ATP8B1: variants seen among roughly 807,000 people sequenced by gnomAD.
ATP8B1 encodes phospholipid-transporting ATPase IC.
A neutral mutation model predicts 149.9 loss-of-function variants in ATP8B1; 80 were observed. That is an observed-to-expected ratio of 0.53 (90% CI 0.45 to 0.64). The LOEUF (loss-of-function observed/expected upper bound fraction) is 0.64, where lower values mean the gene tolerates loss of function less well. ATP8B1 is among the 30% of genes least tolerant of loss of function. ATP8B1 has a pLI of 0.00. For synonymous variants in ATP8B1, 536 were observed against 562.8 expected, an observed-to-expected ratio of 0.95 and a Z score of 0.67; for missense variants, 1,247 against 1,552.6, an observed-to-expected ratio of 0.80 and a Z score of 3.31.
chr18:57,764,341 T>TCCCTCTTTC, intron 1 of ATP8B1, among the ~76,000 whole-genome samples: 1 of 102,018 alleles, frequency 9.8e-6, no homozygotes, highest in Middle Eastern at 5.5e-3. Flanking sequence ...CTTTCTTTCT[T>TCCCTCTTTC]TTTCTTTCTT....
chr18:57,799,887 C>G (rs2123477944), intron 1 of ATP8B1, among the ~76,000 whole-genome samples: 1 of 152,218 alleles, frequency 6.6e-6, no homozygotes, highest in African/African-American at 2.4e-5. Context: ...TTACTTTTAG[C>G]TGGGCATGGG....
rs150409127 is a variant in ATP8B1 at position 57,775,131 on chromosome 18, A to G, written c.-26+27867T>C. Reference sequence around the variant, plus strand: ...AGAGTTCGAGACCAGCTTGGGCAACATGGTGAAACCCCGTCTCTACAAAAA... The same window carrying G: ...AGAGTTCGAGACCAGCTTGGGCAACGTGGTGAAACCCCGTCTCTACAAAAA... On this transcript the variant is annotated intron_variant, in intron 1 of 27. Transcript: ENST00000648908. Among the ~76,000 whole-genome samples the G allele has an allele frequency of 8.0e-3, 1,211 of 152,284 alleles. 22 individuals are homozygous for G. Among genetic ancestry groups the G allele is most frequent in the African/African-American group, 0.027 (1,141 of 41,558 alleles).
At chr18:57,740,177 G>A (rs1272056988) in intron 1 of ATP8B1, among the ~76,000 whole-genome samples, 1 of 151,804 alleles carries the variant, frequency 6.6e-6, no homozygotes, top group Non-Finnish European at 1.5e-5. Flanking sequence ...TGCAACCTTC[G>A]TCTCCTGGGT....
chr18:57,769,503 C>G (rs2080247505), intron 1 of ATP8B1, among the ~76,000 whole-genome samples: 1 of 152,286 alleles, frequency 6.6e-6, no homozygotes, highest in East Asian at 1.9e-4. Context: ...TGCAAGGCTC[C>G]TTGGAGGTGC....
chr18:57,716,311 G>A lies in ATP8B1; in HGVS notation c.182-9724C>T, dbSNP rs574422345. The stretch of plus-strand genomic sequence containing the variant: ...AGGAAGAGAAGACCACAAAGCCACC[G>A]GAAAACATAACAAAATGGCAAGAGT... On this transcript the variant is annotated intron_variant, in intron 2 of 27. Transcript: ENST00000648908. 9.9e-5 allele frequency among the ~76,000 whole-genome samples: 15 copies of A among 151,986 alleles called. No individual in the cohort carries two copies. In the South Asian group the frequency reaches 1.5e-3, roughly 15 times the overall value.
Position 57,648,050 on chromosome 18 carries a change from A to C in ATP8B1, c.*438T>G. On this transcript the variant is annotated 3_prime_UTR_variant, in exon 28 of 28. Coordinates refer to ENST00000648908, the MANE Select transcript of ATP8B1 (RefSeq NM_001374385.1). ...CACCCAGGCTGGAGTGCAGTGGCGC[A>C]ATCTCGGCTCACTGTAACCTCCATC... The C allele has an allele frequency of 3.2e-6, 1 of 308,094 alleles. No individual in the cohort carries two copies. Among genetic ancestry groups the C allele is most frequent in the Non-Finnish European group, 6.3e-6 (1 of 157,982 alleles). The allele number at this position is 308,094 out of a possible 1,614,324, so 19.1% of individuals were successfully genotyped here. A position where few individuals can be genotyped will look rare whatever the true frequency, so the allele number is the denominator to read the frequency against.
In ATP8B1 at chr18:57,705,696, A is replaced by G. The variant is rs562309549; in HGVS notation, c.279+794T>C. On this transcript the variant is annotated intron_variant, in intron 3 of 27. Coordinates refer to ENST00000648908, the MANE Select transcript of ATP8B1 (RefSeq NM_001374385.1). ...GAACAGATTCTCCTGCAGAGGCTCC[A>G]GAAGGAGCCAACCCTGCCAACACCA... Among the ~76,000 whole-genome samples, 55 of 152,322 alleles carry G rather than the reference A, an allele frequency of 3.6e-4. 1 individual carries two copies. Among genetic ancestry groups the G allele is most frequent in the Admixed American group, 2.7e-3 (41 of 15,302 alleles).
chr18:57,790,524 C>T (rs1429870272), intron 1 of ATP8B1, among the ~76,000 whole-genome samples: 1 of 152,104 alleles, frequency 6.6e-6, no homozygotes, highest in Non-Finnish European at 1.5e-5. Context: ...TAGAGCACAG[C>T]ACTAAGCTCT....
At chr18:57,708,191 TAGACTATTG>T (rs1298957381) in intron 2 of ATP8B1, among the ~76,000 whole-genome samples, 1 of 146,650 alleles carries the variant, frequency 6.8e-6, no homozygotes, top group Non-Finnish European at 1.5e-5. Flanking sequence ...GTAACAAGTG[TAGACTATTG>T]AGGAATGCAA....
rs754655083 is a variant in ATP8B1 at position 57,697,678 on chromosome 18, A to G, written c.638T>C (p.Leu213Pro). 2 of 1,614,170 alleles carry G rather than the reference A, an allele frequency of 1.2e-6. No homozygotes were observed. Among genetic ancestry groups the G allele is most frequent in the Non-Finnish European group, 1.7e-6 (2 of 1,180,024 alleles). Reference protein sequence around the residue: ...KKNDFVPADILLLSSSEPNSL... With the variant: ...KKNDFVPADIPLLSSSEPNSL... ...GTTAGGCTCAGAGCTAGACAGCAGG[A>G]GAATGTCAGCCTGTCCAAAACAAAA... is the stretch of plus-strand genomic sequence containing the variant. Residue 213 changes from leucine to proline, a missense_variant, in exon 8 of 28, where the codon CTC (leucine) becomes CCC (proline). By Grantham distance (98) the Leu-to-Pro change is moderately conservative. This residue lies in a region of ATP8B1 where 853 missense variants were observed against 1,035.7 expected (regional missense o/e 0.82). Coordinates refer to ENST00000648908, the MANE Select transcript of ATP8B1 (RefSeq NM_001374385.1).
chr18:57,756,617 A>G (rs942050890), intron 1 of ATP8B1, among the ~76,000 whole-genome samples: 21 of 151,618 alleles, frequency 1.4e-4, no homozygotes, highest in African/African-American at 4.4e-4. Flanking sequence ...TGTATTTGTC[A>G]TTTACAACAC....
chr18:57,665,539 CATTT>C (rs1414591913), intron 20 of ATP8B1, among the ~76,000 whole-genome samples: 4 of 151,952 alleles, frequency 2.6e-5, no homozygotes, highest in Non-Finnish European at 5.9e-5. Flanking sequence ...AAGCATTAAG[CATTT>C]ATTTGTCTGT....
chr18:57,657,912 T>C (rs1300751034), intron 22 of ATP8B1, among the ~76,000 whole-genome samples: 1 of 152,222 alleles, frequency 6.6e-6, no homozygotes, highest in Non-Finnish European at 1.5e-5. Context: ...GTAACATTGG[T>C]CTTTTTTGTA....
At chr18:57,778,229 T>C (rs1328468641) in intron 1 of ATP8B1, among the ~76,000 whole-genome samples, 3 of 53,488 alleles carry the variant, frequency 5.6e-5, no homozygotes, top group Admixed American at 2.9e-4. Context: ...TTTCTTTTTC[T>C]TTTTTTTTTT....
Position 57,691,998 on chromosome 18 carries a change from C to G in ATP8B1, c.1030-1G>C. On this transcript the variant is annotated splice_acceptor_variant, in intron 11 of 27. Coordinates refer to ENST00000648908, the MANE Select transcript of ATP8B1 (RefSeq NM_001374385.1). LOFTEE classifies it high-confidence loss of function. ...AAAGCAGAATAAGAACAACAAAGAT[C>G]TAGAAGACAGAAAACATTTAAATGC... 6.2e-7 allele frequency: 1 copy of G among 1,611,178 alleles called. No individual in the cohort carries two copies. The highest frequency in any genetic ancestry group is 8.5e-7 in the Non-Finnish European group (1 of 1,178,688).
intron 15 of ATP8B1, among the ~76,000 whole-genome samples, chr18:57,678,502 G>T (rs551207685): frequency 2.0e-5 from 3 of 148,140 alleles, no homozygotes; most frequent in African/African-American, 7.4e-5. Flanking sequence ...CAGGAGAATC[G>T]CATAAACCCG....
At chr18:57,751,251 A>T (rs2080015388) in intron 1 of ATP8B1, among the ~76,000 whole-genome samples, 1 of 152,144 alleles carries the variant, frequency 6.6e-6, no homozygotes. Context: ...GTACTTTGGG[A>T]GGCTGAGGCA....
chr18:57,708,696 T>A (rs1913542568), intron 2 of ATP8B1: 1 of 152,222 alleles, frequency 6.6e-6, no homozygotes, highest in African/African-American at 2.4e-5. Context: ...AAGGGATTTT[T>A]AAAAAGTCAA....
chr18:57,713,196 T>TTTCTTTCCTTCCTTCC (rs1913791192), intron 2 of ATP8B1, among the ~76,000 whole-genome samples: 5 of 89,870 alleles, frequency 5.6e-5, no homozygotes, highest in Non-Finnish European at 9.7e-5. Context: ...TCTTTCTTTC[T>TTTCTTTCCTTCCTTCC]TTCCTTCCTT....
Sources: allele counts gnomAD v4.1 joint callset (sites outside exome capture counted in the v4.1 genomes callset), GRCh38; gene constraint gnomAD v4.1.1; regional missense constraint gnomAD v4.1.1; transcripts MANE v1.5; gene names NCBI Gene and HGNC (gene_info 2026-07-23, HGNC 2026-07-21).